Variants in CEP295 observed in about 807,000 individuals in gnomAD.
CEP295 encodes the protein centrosomal protein of 295 kDa.
A neutral mutation model predicts 291.6 loss-of-function variants in CEP295; 190 were observed. The observed-to-expected ratio is 0.65, with a 90% CI of 0.58 to 0.73. The LOEUF is 0.73. CEP295 is among the 30% of genes least tolerant of loss of function. The pLI is 0.00. For missense variants in CEP295, 2,863 were observed against 2,949.4 expected (o/e 0.97, Z 0.68); for synonymous variants, 993 against 1,038.8 (o/e 0.96, Z 0.85).
intron 6 of CEP295, among the ~76,000 whole-genome samples, chr11:93,678,648 C>T (rs867325409): frequency 6.6e-6 from 1 of 152,050 alleles, no homozygotes; most frequent in South Asian, 2.1e-4. Flanking sequence ...TAAATCCAGG[C>T]TGGATGTGGT....
intron 15 of CEP295, among the ~76,000 whole-genome samples, chr11:93,702,014 A>G (rs1423680359): frequency 1.3e-5 from 2 of 150,450 alleles, no homozygotes; most frequent in African/African-American, 4.9e-5. Flanking sequence ...GCTGGAGTGC[A>G]GTGGCACGAT....
At chr11:93,720,891 C>G (rs1406753091) in intron 18 of CEP295, among the ~76,000 whole-genome samples, 6 of 152,184 alleles carry the variant, frequency 3.9e-5, no homozygotes, top group African/African-American at 1.4e-4. Flanking sequence ...GCCACCGCAC[C>G]TGGCCCTGGT....
chr11:93,713,282 C>G (rs937964508), intron 18 of CEP295, among the ~76,000 whole-genome samples: 1 of 152,146 alleles, frequency 6.6e-6, no homozygotes, highest in Non-Finnish European at 1.5e-5. Context: ...TGTGTACTTA[C>G]TATTACCAGT....
At chr11:93,707,442 T>C (rs1591097126) in intron 18 of CEP295, among the ~76,000 whole-genome samples, 1 of 152,180 alleles carries the variant, frequency 6.6e-6, no homozygotes, top group Admixed American at 6.5e-5. Flanking sequence ...TGTAGTACTA[T>C]TTTATTAGTT....
At position 93,727,593 on chromosome 11, in the gene CEP295, G is replaced by A. The variant is rs1954250121; in HGVS notation, c.7117G>A (p.Ala2373Thr). The A allele has an allele frequency of 6.4e-7, 1 of 1,550,688 alleles. No homozygotes were observed. Among genetic ancestry groups the A allele is most frequent in the South Asian group, 1.2e-5 (1 of 83,940 alleles). ...TCAACTAGGAGAATCAGAGCTTTTT[G>A]CAAGTTCTGGATCATTTTCATTACA... Reference protein sequence around the residue: ...LSQLGESELFASSGSFSLQSS... With the variant: ...LSQLGESELFTSSGSFSLQSS... The change falls in exon 24 of 30, where the codon GCA becomes ACA. Residue 2373 changes from alanine to threonine, a missense_variant. Ala to Thr is a moderately conservative substitution (Grantham distance 58). Coordinates refer to ENST00000325212, the MANE Select transcript of CEP295 (RefSeq NM_033395.2).
At chr11:93,668,957 T>C (rs1950311330) in intron 4 of CEP295, 25 bp downstream of exon 4, 1 of 992,662 alleles carries the variant, frequency 1.0e-6, no homozygotes, top group South Asian at 1.5e-5. Context: ...TTTACTATAA[T>C]CTCAACTGAA....
Position 93,698,618 on chromosome 11 carries a change from A to T in CEP295, c.3706A>T (p.Ile1236Phe), listed in dbSNP as rs370968831. Residue 1236 changes from isoleucine to phenylalanine, a missense_variant, in exon 15 of 30, where the codon ATC becomes TTC. Ile to Phe is a conservative substitution (Grantham distance 21, BLOSUM62 0). Coordinates refer to ENST00000325212, the MANE Select transcript of CEP295 (RefSeq NM_033395.2). ...DSTIPLSHPK[I>F]PRCQERLLRV... The stretch of plus-strand genomic sequence containing the variant: ...TACCATTCCCTTAAGCCATCCTAAG[A>T]TCCCAAGATGTCAGGAAAGACTTTT... 2.2e-4 allele frequency: 335 copies of T among 1,551,542 alleles called. 1 individual carries two copies. The African/African-American group carries it at 4.1e-3, about 19-fold the overall frequency.
At chr11:93,714,376 A>G (rs548140193) in intron 18 of CEP295, among the ~76,000 whole-genome samples, 3 of 152,278 alleles carry the variant, frequency 2.0e-5, no homozygotes, top group East Asian at 3.9e-4. Context: ...ACAGCCACCC[A>G]AGTAGCTGGG....
intron 13 of CEP295, 180 bp downstream of exon 13, chr11:93,695,814 C>G (rs1591053763): frequency 1.8e-6 from 1 of 571,152 alleles, no homozygotes; most frequent in Non-Finnish European, 2.8e-6. Flanking sequence ...AGTTCGAGAC[C>G]AGCCTGGCCA....
At chr11:93,694,969 TAG>T (rs1463698076) in intron 12 of CEP295, among the ~76,000 whole-genome samples, 1 of 152,202 alleles carries the variant, frequency 6.6e-6, no homozygotes, top group African/African-American at 2.4e-5. Flanking sequence ...TGTATAGTAT[TAG>T]AGTTTATGTG....
At chr11:93,713,114 G>A (rs957768507) in intron 18 of CEP295, among the ~76,000 whole-genome samples, 1 of 151,782 alleles carries the variant, frequency 6.6e-6, no homozygotes. Context: ...TGTCCCTGCT[G>A]TTTAACTTTT....
intron 3 of CEP295, among the ~76,000 whole-genome samples, chr11:93,668,299 C>A (rs1473931080): frequency 6.6e-6 from 1 of 152,160 alleles, no homozygotes; most frequent in East Asian, 1.9e-4. Context: ...GAAGGTAAAT[C>A]TTTGATAACA....
At chr11:93,721,536 G>GA (rs1315120181) in intron 19 of CEP295, 124 bp downstream of exon 19, 3 of 794,782 alleles carry the variant, frequency 3.8e-6, no homozygotes, top group Admixed American at 3.4e-5. Context: ...TGCTTTTAGT[G>GA]AAGTGGATCA....
intron 16 of CEP295, 39 bp from the exon 17 acceptor site, chr11:93,702,737 G>A (rs1207851064): frequency 1.3e-6 from 2 of 1,546,584 alleles, no homozygotes; most frequent in African/African-American, 2.7e-5. Flanking sequence ...TATGTTAATA[G>A]ATTTTGTATT....
At chr11:93,685,408 C>G (rs372640938) in intron 9 of CEP295, among the ~76,000 whole-genome samples, 3 of 152,282 alleles carry the variant, frequency 2.0e-5, no homozygotes, top group South Asian at 4.1e-4. Flanking sequence ...GTGAACGTAG[C>G]CTTTTGGGAT....
intron 18 of CEP295, among the ~76,000 whole-genome samples, chr11:93,720,768 T>G (rs1469602427): frequency 6.6e-6 from 1 of 152,100 alleles, no homozygotes; most frequent in African/African-American, 2.4e-5. Flanking sequence ...GGCTAATGTT[T>G]GTAATTTTTG....
At chr11:93,729,384 C>CCGCTTAAAG (rs2135382164) in intron 25 of CEP295, 50 bp from the exon 26 acceptor site, 1 of 1,269,974 alleles carries the variant, frequency 7.9e-7, no homozygotes, top group East Asian at 2.5e-5. Flanking sequence ...AGAGCAAGAC[C>CCGCTTAAAG]CGCTTAAAGC....
chr11:93,729,176 A>G (rs1937939044), intron 25 of CEP295: 3 of 541,170 alleles, frequency 5.5e-6, no homozygotes, highest in Non-Finnish European at 9.8e-6. Flanking sequence ...CAATAAGAAT[A>G]AAGCTATCTA....
intron 9 of CEP295, among the ~76,000 whole-genome samples, chr11:93,686,183 G>A (rs540291434): frequency 1.6e-3 from 248 of 152,138 alleles, no homozygotes; most frequent in African/African-American, 5.7e-3. Flanking sequence ...GCCGGGTGTA[G>A]TGGCGCTCAC....
Sources: allele counts gnomAD v4.1 joint callset (sites outside exome capture counted in the v4.1 genomes callset), GRCh38; gene constraint gnomAD v4.1.1; transcripts MANE v1.5; gene names NCBI Gene and HGNC (gene_info 2026-07-23, HGNC 2026-07-21).